The following FANCB variants were observed in gnomAD, a reference collection of about 807,000 sequenced individuals.
FANCB encodes FA complementation group B.
In FANCB, 5 loss-of-function variants were observed where a neutral mutation model predicts 38.9. That is an observed-to-expected ratio of 0.13 (90% CI 0.07 to 0.27). The LOEUF (loss-of-function observed/expected upper bound fraction) is 0.27. Among genes scored for constraint, FANCB ranks in the 10% least tolerant of loss-of-function variants. The pLI, the probability that FANCB is intolerant of heterozygous loss-of-function variation, is 1.00. For missense variants in FANCB, 573 were observed against 602.7 expected (o/e 0.95, Z 0.52); for synonymous variants, 236 against 215.4 (o/e 1.10, Z -0.84).
At chrX:14,862,920 A>C (rs1381738577) in intron 3 of FANCB, among the ~76,000 whole-genome samples, 2 of 112,288 alleles carry the variant, frequency 1.8e-5, no homozygotes, top group Non-Finnish European at 3.8e-5. Flanking sequence ...AGGGTATACC[A>C]GATGTTTTTC....
chrX:14,713,211 G>A, the FANCB span, among the ~76,000 whole-genome samples: 2 of 112,038 alleles, frequency 1.8e-5, no homozygotes, highest in African/African-American at 6.5e-5. Context: ...ATTGTTTTGA[G>A]TTTAGTAGTG....
chrX:14,841,277 G>A (rs1429053874), downstream of FANCB, among the ~76,000 whole-genome samples: 1 of 111,739 alleles, frequency 8.9e-6, no homozygotes, highest in Non-Finnish European at 1.9e-5. Flanking sequence ...AGAAGACAAG[G>A]AAGAAAATGG....
chrX:14,768,118 T>C, the FANCB span, among the ~76,000 whole-genome samples: 2 of 111,754 alleles, frequency 1.8e-5, no homozygotes, highest in Admixed American at 1.9e-4. Context: ...GTGTGATGCC[T>C]CCAGATTTGT....
At chrX:14,711,852 C>T in the FANCB span, among the ~76,000 whole-genome samples, 1 of 112,237 alleles carries the variant, frequency 8.9e-6, no homozygotes, top group East Asian at 2.8e-4. Context: ...CTTCCCTATC[C>T]TTGGAAACTT....
chrX:14,838,206 T>C (rs1476207073), intron 10 of FANCB, among the ~76,000 whole-genome samples: 2 of 112,320 alleles, frequency 1.8e-5, no homozygotes, highest in African/African-American at 6.5e-5. Flanking sequence ...ATATTCACTA[T>C]TTATATTATC....
At chrX:14,871,666 A>G (rs1438029164) in intron 1 of FANCB, among the ~76,000 whole-genome samples, 1 of 110,926 alleles carries the variant, frequency 9.0e-6, no homozygotes, top group Admixed American at 9.6e-5. Flanking sequence ...TCATGGTTAA[A>G]TTTCAAAAAT....
intron 5 of FANCB, among the ~76,000 whole-genome samples, chrX:14,855,594 TC>T (rs1241143608): frequency 1.8e-5 from 2 of 112,390 alleles, no homozygotes; most frequent in Admixed American, 1.9e-4. Flanking sequence ...ACTCTTAAAG[TC>T]ATCTATTGAG....
chrX:14,726,649 A>T, the FANCB span, among the ~76,000 whole-genome samples: 40 of 112,622 alleles, frequency 3.6e-4, no homozygotes, highest in Non-Finnish European at 5.8e-4. Flanking sequence ...ACGATGTACA[A>T]TATAATGAGA....
At chrX:14,853,339 G>A (rs1276203288) in intron 5 of FANCB, among the ~76,000 whole-genome samples, 172 bp from the exon 6 acceptor site, 1 of 111,647 alleles carries the variant, frequency 9.0e-6, no homozygotes, top group Non-Finnish European at 1.9e-5. Flanking sequence ...AAGTCTCTAA[G>A]TTTAAAAAAT....
At chrX:14,770,626 G>A in the FANCB span, among the ~76,000 whole-genome samples, 15 of 111,615 alleles carry the variant, frequency 1.3e-4, no homozygotes, top group East Asian at 2.0e-3. Flanking sequence ...GCATTTAGTC[G>A]TTTTACATTT....
chrX:14,743,379 G>A, the FANCB span, among the ~76,000 whole-genome samples: 1 of 111,417 alleles, frequency 9.0e-6, no homozygotes, highest in East Asian at 2.8e-4. Context: ...AACTTGCCTA[G>A]GGCACACAGC....
the FANCB span, among the ~76,000 whole-genome samples, chrX:14,693,901 C>A: frequency 9.0e-6 from 1 of 111,348 alleles, no homozygotes; most frequent in Non-Finnish European, 1.9e-5. Flanking sequence ...TTGTACATAT[C>A]AAAATATATG....
At chrX:14,815,584 C>G in the FANCB span, among the ~76,000 whole-genome samples, 1 of 112,162 alleles carries the variant, frequency 8.9e-6, no homozygotes, top group Non-Finnish European at 1.9e-5. Flanking sequence ...TAAATTAGTA[C>G]AACCTCTATG....
chrX:14,689,850 G>A, the FANCB span, among the ~76,000 whole-genome samples: 2 of 111,741 alleles, frequency 1.8e-5, no homozygotes, highest in East Asian at 2.8e-4. Context: ...ATTGTAAGTC[G>A]AGTGAGATGA....
At chrX:14,707,780 G>C in the FANCB span, among the ~76,000 whole-genome samples, 1 of 109,954 alleles carries the variant, frequency 9.1e-6, no homozygotes, top group East Asian at 2.9e-4. Context: ...GTGTGCACGC[G>C]CGCGTGTTGC....
downstream of FANCB, among the ~76,000 whole-genome samples, chrX:14,841,389 T>C (rs1340328052): frequency 9.0e-6 from 1 of 110,835 alleles, no homozygotes; most frequent in African/African-American, 3.3e-5. Context: ...GCCAAGAGAG[T>C]TGAAGTTTTT....
At chrX:14,758,964 TA>T in the FANCB span, among the ~76,000 whole-genome samples, 11 of 105,876 alleles carry the variant, frequency 1.0e-4, no homozygotes, top group African/African-American at 1.7e-4. Flanking sequence ...CCATCTTAAA[TA>T]AAAAAAAAAT....
At chrX:14,813,677 G>A in the FANCB span, among the ~76,000 whole-genome samples, 3 of 111,150 alleles carry the variant, frequency 2.7e-5, no homozygotes, top group Non-Finnish European at 5.7e-5. Context: ...AATAAAAGAG[G>A]ACACAAAAAA....
chrX:14,788,785 C>T, the FANCB span, among the ~76,000 whole-genome samples: 3 of 111,932 alleles, frequency 2.7e-5, no homozygotes, highest in Non-Finnish European at 5.6e-5. Context: ...CAGTGGCTAC[C>T]ATATTAGAAA....
Sources: allele counts gnomAD v4.1 joint callset (sites outside exome capture counted in the v4.1 genomes callset), GRCh38; gene constraint gnomAD v4.1.1; transcripts MANE v1.5; gene names NCBI Gene and HGNC (gene_info 2026-07-23, HGNC 2026-07-21).